Variants in EGFR observed in about 807,000 individuals in gnomAD.
The protein encoded by EGFR is avian erythroblastic leukemia viral (v-erb-b) oncogene homolog.
In EGFR, 58 loss-of-function variants were observed where a neutral mutation model predicts 143.0. The ratio of observed to expected loss-of-function variants is 0.41; its 90% confidence interval spans 0.33 to 0.50. EGFR has a LOEUF of 0.50. Among genes scored for constraint, EGFR ranks in the 20% least tolerant of loss-of-function variants. The pLI, the probability that EGFR is intolerant of heterozygous loss-of-function variation, is 0.39. For synonymous variants in EGFR, 613 were observed against 594.4 expected, an observed-to-expected ratio of 1.03 and a Z score of -0.45; for missense variants, 1,307 against 1,579.0, an observed-to-expected ratio of 0.83 and a Z score of 2.92.
chr7:55,020,408 C>A (rs567464095), intron 1 of EGFR, among the ~76,000 whole-genome samples: 17 of 152,356 alleles, frequency 1.1e-4, no homozygotes, highest in South Asian at 4.1e-4. Context: ...TGAGCGGAAG[C>A]CCCGGAAGCA....
rs17337479 is a variant in EGFR, at chr7:55,201,445, C to T, written c.3114+90C>T. 7.0e-4 allele frequency: 1,093 copies of T among 1,559,162 alleles called. 4 individuals are homozygous for T. The African/African-American group carries it at 0.012, about 16-fold the overall frequency. On this transcript the variant is annotated intron_variant, in intron 25 of 27. Transcript: ENST00000275493. ...TAGGGAAAATAACCATCTAGTGAAACTCACATGGATATGAAGTCAATTTTA... is the reference window on the plus strand; with the variant it reads ...TAGGGAAAATAACCATCTAGTGAAATTCACATGGATATGAAGTCAATTTTA...
chr7:55,154,085 G>A lies in EGFR; in HGVS notation c.822G>A (p.Thr274=), dbSNP rs749588554. The A allele has an allele frequency of 8.1e-6, 13 of 1,614,046 alleles. No homozygotes were observed. Among genetic ancestry groups the A allele is most frequent in the East Asian group, 6.7e-5 (3 of 44,892 alleles). Residue 274 remains threonine (T), a synonymous_variant, in exon 7 of 28, where the codon ACG becomes ACA. Transcript: ENST00000275493. The part of the protein sequence containing the change: ...CPPLMLYNPT[T]YQMDVNPEGK... The stretch of plus-strand genomic sequence containing the variant: ...CACTCATGCTCTACAACCCCACCAC[G>A]TACCAGATGGATGTGAACCCCGAGG...
At chr7:55,069,255 G>T (rs1179053258) in intron 1 of EGFR, among the ~76,000 whole-genome samples, 1 of 152,074 alleles carries the variant, frequency 6.6e-6, no homozygotes, top group East Asian at 1.9e-4. Flanking sequence ...GAATTTTATC[G>T]AGGTGGCCCT....
chr7:55,171,329 C>A, intron 16 of EGFR, 116 bp downstream of exon 16: 1 of 1,444,546 alleles, frequency 6.9e-7, no homozygotes, highest in Non-Finnish European at 9.7e-7. Context: ...GTTTCTATGG[C>A]TCTGGGCCAG....
rs984644479 is a variant in EGFR, at chr7:55,207,168, A to C, written c.*1551A>C. ...CAATTTATCAAGGAAGAAATGGTTC[A>C]GAAAATATTTTCAGCCTACAGTTAT... On this transcript the variant is annotated 3_prime_UTR_variant, in exon 28 of 28. Coordinates refer to ENST00000275493, the MANE Select transcript of EGFR (RefSeq NM_005228.5). The C allele has an allele frequency of 8.6e-6, 2 of 232,786 alleles. No homozygotes were observed. Among genetic ancestry groups the C allele is most frequent in the African/African-American group, 4.4e-5 (2 of 45,310 alleles). 14.4% of individuals were successfully genotyped at this position (232,786 alleles called of 1,614,324 possible).
intron 1 of EGFR, among the ~76,000 whole-genome samples, chr7:55,033,145 T>A (rs2128864451): frequency 6.6e-6 from 1 of 152,346 alleles, no homozygotes; most frequent in Non-Finnish European, 1.5e-5. Flanking sequence ...AATAGATGAC[T>A]ATTTTATTCT....
chr7:55,192,207 C>A (rs961611668), intron 21 of EGFR, among the ~76,000 whole-genome samples: 1 of 152,172 alleles, frequency 6.6e-6, no homozygotes, highest in Admixed American at 6.5e-5. Flanking sequence ...CCTTGGTGGT[C>A]CACTGCTGTC....
At chr7:55,048,632 T>C (rs1236023965) in intron 1 of EGFR, among the ~76,000 whole-genome samples, 1 of 152,166 alleles carries the variant, frequency 6.6e-6, no homozygotes, top group Non-Finnish European at 1.5e-5. Flanking sequence ...TGACGTTGGG[T>C]ATGATCCAAG....
At chr7:55,094,649 A>G (rs1398543111) in intron 1 of EGFR, among the ~76,000 whole-genome samples, 4 of 152,270 alleles carry the variant, frequency 2.6e-5, no homozygotes, top group Non-Finnish European at 4.4e-5. Flanking sequence ...CTCCTTTCAC[A>G]TATGCTGGAT....
At chr7:55,169,668 A>G (rs963187939) in intron 15 of EGFR, among the ~76,000 whole-genome samples, 1 of 152,074 alleles carries the variant, frequency 6.6e-6, no homozygotes, top group African/African-American at 2.4e-5. Flanking sequence ...TCATTTCTGC[A>G]GAGTTACCGA....
intron 1 of EGFR, among the ~76,000 whole-genome samples, chr7:55,064,672 T>C (rs1789396553): frequency 6.6e-6 from 1 of 152,240 alleles, no homozygotes; most frequent in Non-Finnish European, 1.5e-5. Flanking sequence ...CAAAGGATTA[T>C]GACAGCCCCA....
intron 1 of EGFR, 141 bp downstream of exon 1, chr7:55,019,506 C>T (rs903412925): frequency 1.7e-5 from 6 of 354,602 alleles, no homozygotes; most frequent in Non-Finnish European, 2.6e-5. Context: ...ATCAGCTGCG[C>T]CGCCGACCGG....
chr7:55,115,764 A>G (rs1792801717), intron 1 of EGFR, among the ~76,000 whole-genome samples: 1 of 152,230 alleles, frequency 6.6e-6, no homozygotes, highest in African/African-American at 2.4e-5. Flanking sequence ...ATGCCGTCAT[A>G]CAGTAGCAGG....
At chr7:55,061,647 TGTGAGA>T (rs1294154474) in intron 1 of EGFR, among the ~76,000 whole-genome samples, 31 of 99,694 alleles carry the variant, frequency 3.1e-4, no homozygotes, top group African/African-American at 1.1e-3. Context: ...TGTGTGTGTG[TGTGAGA>T]GAGAGAGAGA....
At chr7:55,186,479 G>A (rs551199443) in intron 20 of EGFR, among the ~76,000 whole-genome samples, 2 of 152,338 alleles carry the variant, frequency 1.3e-5, no homozygotes, top group East Asian at 3.9e-4. Flanking sequence ...CAGAGAGGAT[G>A]ACTTACCCAG....
rs769197565 is a variant in EGFR, at chr7:55,156,851, C to T, written c.1207+19C>T. The T allele has an allele frequency of 1.1e-5, 18 of 1,614,074 alleles. No individual in the cohort carries two copies. The highest frequency in any genetic ancestry group is 1.7e-5 in the Admixed American group (1 of 60,002). On this transcript the variant is annotated intron_variant, in intron 10 of 27. Coordinates refer to ENST00000275493, the MANE Select transcript of EGFR (RefSeq NM_005228.5). ...ATCACAGGTTTGAGCTGAATTATCA[C>T]ATGAATATAAATGGGAAATCAGTGT...
Position 55,205,544 on chromosome 7 carries a change from T to G in EGFR, c.3560T>G (p.Phe1187Cys), listed in dbSNP as rs1272024430. ...FPKEAKPNGIFKGSTAENAEY... is the reference protein window; with the variant it reads ...FPKEAKPNGICKGSTAENAEY... The stretch of plus-strand genomic sequence containing the variant: ...AAGGAAGCCAAGCCAAATGGCATCT[T>G]TAAGGGCTCCACAGCTGAAAATGCA... Residue 1187 changes from phenylalanine to cysteine, a missense_variant, in exon 28 of 28, where the codon TTT (phenylalanine) becomes TGT (cysteine). By Grantham distance (205) the Phe-to-Cys change is radical. Transcript: ENST00000275493. 1 of 1,614,200 alleles carries G rather than the reference T, an allele frequency of 6.2e-7. No homozygotes were observed. The highest frequency in any genetic ancestry group is 1.1e-5 in the South Asian group (1 of 91,086).
chr7:55,174,217 A>G (rs1280721248), intron 18 of EGFR, among the ~76,000 whole-genome samples, 174 bp downstream of exon 18: 1 of 152,214 alleles, frequency 6.6e-6, no homozygotes. Flanking sequence ...AATCTTTTAT[A>G]ACCACAGTAA....
At position 55,207,614 on chromosome 7, in the gene EGFR, G is replaced by C. The variant is rs1311326654; in HGVS notation, c.*1997G>C. On this transcript the variant is annotated 3_prime_UTR_variant, in exon 28 of 28. Coordinates refer to ENST00000275493, the MANE Select transcript of EGFR (RefSeq NM_005228.5). ...TGACCAGGTCTCAGTCAGCGGGGAG[G>C]TGGAAAGTGCAGGTGCATCAGGGGC... 1 of 161,804 alleles carries C rather than the reference G, an allele frequency of 6.2e-6. No individual in the cohort carries two copies. The highest frequency in any genetic ancestry group is 1.4e-5 in the Non-Finnish European group (1 of 73,618). 10.0% of individuals were successfully genotyped at this position (161,804 alleles called of 1,614,324 possible).
Sources: gnomAD v4.1 joint callset for allele counts (sites outside exome capture counted in the v4.1 genomes callset) on GRCh38, gnomAD v4.1.1 for gene constraint, MANE v1.5 for transcripts, NCBI Gene and HGNC (gene_info 2026-07-23, HGNC 2026-07-21) for gene names.